MAD1L1: variants seen among roughly 807,000 people sequenced by gnomAD.
MAD1L1 encodes the protein mitotic spindle assembly checkpoint protein MAD1.
Under a neutral mutation model 96.9 loss-of-function variants are expected in MAD1L1, and 95 were observed. That is an observed-to-expected ratio of 0.98 (90% CI 0.83 to 1.16). The LOEUF (loss-of-function observed/expected upper bound fraction) is 1.16. MAD1L1 is among the 50% of genes most tolerant of loss of function. The pLI, the probability that MAD1L1 is intolerant of heterozygous loss-of-function variation, is 0.00. For missense variants in MAD1L1, 1,007 were observed against 954.4 expected (o/e 1.06, Z -0.73); for synonymous variants, 473 against 396.6 (o/e 1.19, Z -2.29).
chr7:1,827,285 G>A (rs888606284), intron 18 of MAD1L1, among the ~76,000 whole-genome samples: 4 of 152,240 alleles, frequency 2.6e-5, no homozygotes, highest in African/African-American at 9.6e-5. Context: ...CACAATGAAG[G>A]TTAAGGGAAG....
At chr7:2,175,110 CA>C (rs1316055689) in intron 10 of MAD1L1, 1 of 152,232 alleles carries the variant, frequency 6.6e-6, no homozygotes, top group East Asian at 1.9e-4. Flanking sequence ...GGCGGTCACA[CA>C]GAGTTCACTT....
chr7:2,043,242 C>T (rs895505391), intron 12 of MAD1L1, among the ~76,000 whole-genome samples: 13 of 152,282 alleles, frequency 8.5e-5, no homozygotes, highest in South Asian at 4.1e-4. Context: ...ACGCCCCTGT[C>T]CCATCGGAGG....
chr7:1,932,540 G>A (rs1369221182), intron 17 of MAD1L1, among the ~76,000 whole-genome samples: 1 of 152,272 alleles, frequency 6.6e-6, no homozygotes, highest in Admixed American at 6.5e-5. Context: ...CACTCTGCTA[G>A]AAACTCGGAG....
chr7:1,982,762 G>C (rs1340264609), intron 14 of MAD1L1, among the ~76,000 whole-genome samples: 1 of 152,112 alleles, frequency 6.6e-6, no homozygotes, highest in Non-Finnish European at 1.5e-5. Flanking sequence ...TGTGATACTG[G>C]ACATCCTTAG....
chr7:1,904,225 T>G (rs1457895276), intron 17 of MAD1L1, among the ~76,000 whole-genome samples: 193 of 89,014 alleles, frequency 2.2e-3, no homozygotes, highest in African/African-American at 3.5e-3. Context: ...AGTGGCCTAT[T>G]GAAGAAGCTC....
intron 11 of MAD1L1, among the ~76,000 whole-genome samples, chr7:2,125,796 C>CT (rs1788204265): frequency 6.6e-6 from 1 of 152,256 alleles, no homozygotes; most frequent in South Asian, 2.1e-4. Context: ...GAAAAATAAA[C>CT]TGAGGAGACA....
At chr7:1,933,935 C>A (rs1424221565) in intron 17 of MAD1L1, among the ~76,000 whole-genome samples, 1 of 152,196 alleles carries the variant, frequency 6.6e-6, no homozygotes, top group Non-Finnish European at 1.5e-5. Flanking sequence ...CTCAGCTCCA[C>A]CCGCCGCCGG....
intron 17 of MAD1L1, among the ~76,000 whole-genome samples, chr7:1,933,353 A>G (rs1789590486): frequency 6.6e-6 from 1 of 152,108 alleles, no homozygotes; most frequent in Admixed American, 6.5e-5. Context: ...ATACACAGGG[A>G]GGTCTTTCCA....
At position 2,067,306 on chromosome 7, in the gene MAD1L1, G is replaced by A. The variant is rs1784922403; in HGVS notation, c.1218+1888C>T. 2.0e-5 allele frequency among the ~76,000 whole-genome samples: 3 copies of A among 151,954 alleles called. No homozygotes were observed. The South Asian group carries it at 6.2e-4, about 32-fold the overall frequency. ...GTTCGCAGGCACCCGGGGTCATCAG[G>A]CCTGAGCCCAAAGTTTAGCAGAAAG... On this transcript the variant is annotated intron_variant, in intron 12 of 18. Transcript: ENST00000265854.
chr7:1,958,119 G>A (rs558970762), intron 15 of MAD1L1, among the ~76,000 whole-genome samples: 2 of 152,318 alleles, frequency 1.3e-5, no homozygotes, highest in East Asian at 1.9e-4. Flanking sequence ...GCAACCTCGG[G>A]ACATCTTCAG....
chr7:2,107,329 G>A (rs1020307563), intron 11 of MAD1L1: 19 of 152,148 alleles, frequency 1.2e-4, no homozygotes, highest in African/African-American at 3.1e-4. Context: ...GCTGGCCCTC[G>A]AGGATTATGT....
chr7:2,163,455 C>G (rs1790265478), intron 10 of MAD1L1, among the ~76,000 whole-genome samples: 1 of 152,160 alleles, frequency 6.6e-6, no homozygotes, highest in African/African-American at 2.4e-5. Flanking sequence ...CTCACTGCAA[C>G]CTCTGCCCCC....
At chr7:1,831,923 T>C (rs918752370) in intron 18 of MAD1L1, among the ~76,000 whole-genome samples, 1 of 152,236 alleles carries the variant, frequency 6.6e-6, no homozygotes, top group Non-Finnish European at 1.5e-5. Flanking sequence ...TGCAACTAGT[T>C]ACTGGGCTCT....
intron 11 of MAD1L1, among the ~76,000 whole-genome samples, chr7:2,078,471 C>T (rs929624251): frequency 3.3e-5 from 5 of 152,216 alleles, no homozygotes; most frequent in African/African-American, 1.2e-4. Context: ...GGGGCCTCCG[C>T]GGCTGAGCCA....
intron 17 of MAD1L1, among the ~76,000 whole-genome samples, chr7:1,910,402 G>C (rs969542524): frequency 1.3e-5 from 2 of 152,228 alleles, no homozygotes; most frequent in Non-Finnish European, 2.9e-5. Context: ...CTACAGGGAG[G>C]GCTGGTCGCA....
chr7:1,887,407 G>A (rs1562491099), intron 18 of MAD1L1, among the ~76,000 whole-genome samples: 1 of 81,370 alleles, frequency 1.2e-5, no homozygotes, highest in Non-Finnish European at 2.3e-5. Context: ...GTGGCTGCCT[G>A]TGCATGTGTG....
intron 13 of MAD1L1, among the ~76,000 whole-genome samples, chr7:2,012,204 A>G (rs558255074): frequency 2.6e-5 from 4 of 152,310 alleles, no homozygotes; most frequent in Non-Finnish European, 5.9e-5. Context: ...CATCTGGTCA[A>G]TGAGTCCTGA....
intron 18 of MAD1L1, among the ~76,000 whole-genome samples, chr7:1,829,039 A>G (rs1423426805): frequency 6.6e-6 from 1 of 152,336 alleles, no homozygotes; most frequent in East Asian, 1.9e-4. Context: ...AAAAGAAAGA[A>G]AAGCGCATAC....
At chr7:2,049,876 A>G (rs55931451) in intron 12 of MAD1L1, among the ~76,000 whole-genome samples, 380 of 95,522 alleles carry the variant, frequency 4.0e-3, no homozygotes, top group East Asian at 9.3e-3. Context: ...CAACGTCTGC[A>G]GGCACCAGAC....
Sources: gnomAD v4.1 joint callset for allele counts (sites outside exome capture counted in the v4.1 genomes callset) on GRCh38, gnomAD v4.1.1 for gene constraint, MANE v1.5 for transcripts, NCBI Gene and HGNC (gene_info 2026-07-23, HGNC 2026-07-21) for gene names.